The following TUB variants were observed in gnomAD, a reference collection of about 807,000 sequenced individuals.
The protein encoded by TUB is TUB bipartite transcription factor.
TUB carries 33 observed loss-of-function variants against 59.7 expected under a neutral mutation model. That is an observed-to-expected ratio of 0.55 (90% CI 0.42 to 0.74). TUB has a LOEUF of 0.74. TUB is among the 30% of genes least tolerant of loss of function. TUB has a pLI of 0.00. For missense variants in TUB, 659 were observed against 672.0 expected (o/e 0.98, Z 0.21); for synonymous variants, 293 against 256.4 (o/e 1.14, Z -1.36).
intron 2 of TUB, among the ~76,000 whole-genome samples, chr11:8,053,694 G>T (rs957611060): frequency 7.3e-5 from 11 of 151,270 alleles, no homozygotes; most frequent in Non-Finnish European, 1.5e-4. Context: ...ATAGAGACGG[G>T]GTTTCACCGT....
chr11:8,097,641 G>T, intron 7 of TUB, 73 bp from the exon 8 acceptor site: 2 of 1,388,864 alleles, frequency 1.4e-6, no homozygotes, highest in South Asian at 1.3e-5. Context: ...GAGAGAGTCT[G>T]TGTGAGTGGC....
At chr11:8,035,156 T>C (rs549166134), upstream of TUB, among the ~76,000 whole-genome samples, 1 of 152,336 alleles carries the variant, frequency 6.6e-6, no homozygotes, top group African/African-American at 2.4e-5. Context: ...AGATAAATGA[T>C]ATTTCAATAT....
intron 1 of TUB, among the ~76,000 whole-genome samples, chr11:8,032,719 C>T (rs1439561697): frequency 6.6e-6 from 1 of 152,174 alleles, no homozygotes; most frequent in East Asian, 1.9e-4. Context: ...CTCTCCACAC[C>T]TGGGAACATT....
At chr11:8,099,951 C>T (rs1397284235) in intron 9 of TUB, among the ~76,000 whole-genome samples, 4 of 152,184 alleles carry the variant, frequency 2.6e-5, no homozygotes. Flanking sequence ...GTCACATCTC[C>T]AGCTTTAACT....
chr11:8,075,138 A>T (rs1406763690), intron 2 of TUB, among the ~76,000 whole-genome samples: 2 of 150,350 alleles, frequency 1.3e-5, no homozygotes, highest in African/African-American at 2.5e-5. Flanking sequence ...AGTCCTAATT[A>T]ATAGACATTT....
At chr11:8,025,949 A>G (rs952770754) in intron 1 of TUB, among the ~76,000 whole-genome samples, 3 of 152,190 alleles carry the variant, frequency 2.0e-5, no homozygotes, top group Admixed American at 6.5e-5. Context: ...GAGAGTTCCA[A>G]TTCCTCTGCG....
At chr11:8,049,582 G>GAT (rs1564902564) in intron 2 of TUB, among the ~76,000 whole-genome samples, 1 of 67,498 alleles carries the variant, frequency 1.5e-5, no homozygotes, top group East Asian at 3.0e-4. Context: ...TATATATATA[G>GAT]ATAGATAGAT....
intron 2 of TUB, among the ~76,000 whole-genome samples, chr11:8,040,021 T>C (rs948721726): frequency 1.2e-4 from 18 of 152,136 alleles, no homozygotes; most frequent in Non-Finnish European, 4.4e-5. Flanking sequence ...AGCCAAGCCT[T>C]CTCAGAAAGG....
upstream of TUB, among the ~76,000 whole-genome samples, chr11:8,080,927 G>A (rs1943542239): frequency 6.6e-6 from 1 of 152,216 alleles, no homozygotes; most frequent in Non-Finnish European, 1.5e-5. Context: ...CCATCCCATA[G>A]CGCAGATAGG....
intron 1 of TUB, among the ~76,000 whole-genome samples, chr11:8,086,076 C>T (rs1011269246): frequency 2.6e-5 from 4 of 152,166 alleles, no homozygotes; most frequent in African/African-American, 7.2e-5. Context: ...GTTCAGGCCC[C>T]CAGCAGGAGG....
At chr11:8,045,321 A>G (rs1942814970) in intron 2 of TUB, among the ~76,000 whole-genome samples, 2 of 152,242 alleles carry the variant, frequency 1.3e-5, no homozygotes, top group Admixed American at 1.3e-4. Context: ...AACTGGGGAC[A>G]AAGACCAAAT....
At chr11:8,031,940 G>A (rs945645891) in intron 1 of TUB, among the ~76,000 whole-genome samples, 3 of 152,230 alleles carry the variant, frequency 2.0e-5, no homozygotes, top group African/African-American at 4.8e-5. Flanking sequence ...TCTGTCTGGC[G>A]GCGTGTCCTT....
At chr11:8,091,885 G>A (rs912401498) in intron 3 of TUB, among the ~76,000 whole-genome samples, 4 of 152,226 alleles carry the variant, frequency 2.6e-5, no homozygotes, top group African/African-American at 9.6e-5. Flanking sequence ...TGGGTCATAT[G>A]GCGTGTGGCC....
At chr11:8,022,427 C>T (rs977882571) in intron 1 of TUB, among the ~76,000 whole-genome samples, 2 of 152,160 alleles carry the variant, frequency 1.3e-5, no homozygotes, top group Non-Finnish European at 2.9e-5. Context: ...GTTGCTGCCC[C>T]CATCACATCT....
chr11:8,049,161 C>T (rs1448603137), intron 2 of TUB, among the ~76,000 whole-genome samples: 4 of 152,168 alleles, frequency 2.6e-5, no homozygotes, highest in African/African-American at 9.7e-5. Flanking sequence ...AACCCTTGCC[C>T]TTCTAGGAAG....
chr11:8,091,642 G>A (rs370275802), intron 3 of TUB, among the ~76,000 whole-genome samples: 1 of 152,286 alleles, frequency 6.6e-6, no homozygotes, highest in South Asian at 2.1e-4. Flanking sequence ...TCCCCTGTGT[G>A]TGTGTCAGTT....
chr11:8,038,698 C>T (rs553301803), exon 1 of TUB: 1 of 1,454,244 alleles, frequency 6.9e-7, no homozygotes, highest in East Asian at 2.4e-5. Context: ...GTTTCCATGT[C>T]CTAATTAATG....
chr11:8,095,937 T>C (rs1943974464), intron 5 of TUB, among the ~76,000 whole-genome samples: 1 of 152,220 alleles, frequency 6.6e-6, no homozygotes, highest in Non-Finnish European at 1.5e-5. Context: ...TTTGCTGAGC[T>C]ACTGGGAGCA....
At chr11:8,089,739 C>G (rs1943735534) in intron 2 of TUB, 78 bp downstream of exon 2, 13 of 1,563,364 alleles carry the variant, frequency 8.3e-6, no homozygotes, top group Non-Finnish European at 1.1e-5. Context: ...GGCTGTCCAT[C>G]TTCCCTGGAT....
Sources: gnomAD v4.1 joint callset for allele counts (sites outside exome capture counted in the v4.1 genomes callset) on GRCh38, gnomAD v4.1.1 for gene constraint, MANE v1.5 for transcripts, NCBI Gene and HGNC (gene_info 2026-07-23, HGNC 2026-07-21) for gene names.